ADGRL3: variants seen among roughly 807,000 people sequenced by gnomAD.
ADGRL3 encodes the protein calcium-independent alpha-latrotoxin receptor 3.
ADGRL3 carries 62 observed loss-of-function variants against 153.5 expected under a neutral mutation model. The ratio of observed to expected loss-of-function variants is 0.40; its 90% CI spans 0.33 to 0.50. The LOEUF is 0.50. Ranked by LOEUF, ADGRL3 falls within the 20% of genes least tolerant of loss-of-function variation. The probability of loss-of-function intolerance (pLI) is 0.47; values close to 1 mark genes in which losing one functional copy is unlikely to be tolerated. For missense variants in ADGRL3, 1,641 were observed against 1,859.4 expected (o/e 0.88, Z 2.16); for synonymous variants, 710 against 672.5 (o/e 1.06, Z -0.86).
At position 61,865,890 on chromosome 4, in the gene ADGRL3, C is replaced by T. The variant is rs141001723; in HGVS notation, c.1481-26766C>T. The stretch of plus-strand genomic sequence containing the variant: ...TAGGAAGATGGATAAAGATGAATCT[C>T]TCACTTAGGCAGATTTTTGAAAGCT... On this transcript the variant is annotated intron_variant, in intron 9 of 26. Coordinates refer to ENST00000683033, the MANE Select transcript of ADGRL3 (RefSeq NM_001387552.1). Among the ~76,000 whole-genome samples the T allele has an allele frequency of 3.0e-3, 454 of 152,314 alleles. 1 individual carries two copies. The highest frequency in any genetic ancestry group is 0.01 in the African/African-American group (436 of 41,576).
intron 7 of ADGRL3, 88 bp from the exon 8 acceptor site, chr4:61,732,666 G>T: frequency 1.6e-6 from 1 of 637,018 alleles, no homozygotes; most frequent in East Asian, 3.0e-5. Flanking sequence ...TCTTGTTAGA[G>T]TTGCATTCCA....
At chr4:61,860,015 T>G (rs2098324433) in intron 9 of ADGRL3, among the ~76,000 whole-genome samples, 1 of 152,194 alleles carries the variant, frequency 6.6e-6, no homozygotes, top group Non-Finnish European at 1.5e-5. Context: ...ATAAAAATCC[T>G]TATACTCACC....
At chr4:61,655,037 T>C (rs1347584569) in intron 5 of ADGRL3, among the ~76,000 whole-genome samples, 1 of 152,226 alleles carries the variant, frequency 6.6e-6, no homozygotes, top group Non-Finnish European at 1.5e-5. Flanking sequence ...AGTTGTCTTT[T>C]CATTATTATT....
chr4:61,933,348 T>C (rs576413233), intron 13 of ADGRL3, among the ~76,000 whole-genome samples: 1 of 152,268 alleles, frequency 6.6e-6, no homozygotes, highest in Non-Finnish European at 1.5e-5. Context: ...ATTGCCCTTA[T>C]AGAGAACTTC....
At chr4:61,760,353 A>C (rs891615883) in intron 8 of ADGRL3, among the ~76,000 whole-genome samples, 2 of 152,044 alleles carry the variant, frequency 1.3e-5, no homozygotes, top group African/African-American at 4.8e-5. Context: ...AAGCCTCGGC[A>C]ATGGCGGGCG....
chr4:61,597,394 T>C (rs574055659), intron 5 of ADGRL3, among the ~76,000 whole-genome samples: 69 of 152,260 alleles, frequency 4.5e-4, no homozygotes, highest in African/African-American at 1.4e-3. Flanking sequence ...TTAAGCTTAT[T>C]GATGTTGTTG....
At chr4:61,909,440 G>T (rs2098711686) in intron 11 of ADGRL3, 120 bp from the exon 12 acceptor site, 2 of 673,124 alleles carry the variant, frequency 3.0e-6, no homozygotes, top group South Asian at 4.5e-5. Context: ...TGAAGATGAA[G>T]TTTAACAACT....
rs142378390 is a variant in ADGRL3 at position 61,430,281 on chromosome 4, T to G, written c.-174+47092T>G. Among the ~76,000 whole-genome samples, 3 of 152,260 alleles carry G rather than the reference T, an allele frequency of 2.0e-5. No homozygotes were observed. The East Asian group carries it at 5.8e-4, about 29-fold the overall frequency. On this transcript the variant is annotated intron_variant, in intron 2 of 26. Transcript: ENST00000683033. ...AAATTTATGAGCATGAGTGCAATAGTCTAGCTGATGAGATGGCTTTGCAGG... is the reference window on the plus strand; with the variant it reads ...AAATTTATGAGCATGAGTGCAATAGGCTAGCTGATGAGATGGCTTTGCAGG...
intron 2 of ADGRL3, among the ~76,000 whole-genome samples, chr4:61,440,766 T>C (rs2097520476): frequency 6.6e-6 from 1 of 152,212 alleles, no homozygotes; most frequent in African/African-American, 2.4e-5. Flanking sequence ...ATTCTTCTAG[T>C]TCTCTTCCTT....
intron 1 of ADGRL3, among the ~76,000 whole-genome samples, chr4:61,296,124 C>CA (rs1394316132): frequency 5.3e-5 from 8 of 151,872 alleles, no homozygotes; most frequent in African/African-American, 1.5e-4. Context: ...ATGTGTAGTA[C>CA]AAAAAAGGTA....
chr4:61,885,136 C>T (rs1342377158), intron 9 of ADGRL3, among the ~76,000 whole-genome samples: 1 of 151,726 alleles, frequency 6.6e-6, no homozygotes, highest in African/African-American at 2.4e-5. Context: ...AGTAGTCTGG[C>T]GTGGTGGTGC....
chr4:61,622,554 G>A (rs1425341033), intron 5 of ADGRL3, among the ~76,000 whole-genome samples: 1 of 151,736 alleles, frequency 6.6e-6, no homozygotes, highest in African/African-American at 2.4e-5. Flanking sequence ...ATAAGAAGAA[G>A]GAGGAGGAAG....
intron 1 of ADGRL3, among the ~76,000 whole-genome samples, chr4:61,297,174 A>G (rs2094438075): frequency 1.3e-5 from 2 of 152,172 alleles, no homozygotes; most frequent in Admixed American, 6.5e-5. Context: ...TGCATGGGTA[A>G]CAAGTTTATT....
intron 4 of ADGRL3, among the ~76,000 whole-genome samples, chr4:61,560,774 T>C (rs1282878797): frequency 1.3e-5 from 2 of 152,132 alleles, no homozygotes; most frequent in African/African-American, 4.8e-5. Flanking sequence ...ACTTAAGGCC[T>C]GCTCTATATA....
At chr4:61,744,224 A>T (rs6848543) in intron 8 of ADGRL3, among the ~76,000 whole-genome samples, 88,173 of 152,042 alleles carry the variant, frequency 0.58, 28,010 homozygotes, top group African/African-American at 0.83. Flanking sequence ...TCGAACTGGG[A>T]GGAGCCCAAC....
chr4:61,987,258 C>T (rs1476352336), intron 19 of ADGRL3, among the ~76,000 whole-genome samples: 2 of 151,886 alleles, frequency 1.3e-5, no homozygotes, highest in Middle Eastern at 3.4e-3. Context: ...CCCTGCCACC[C>T]GGGTTCAAGC....
intron 21 of ADGRL3, among the ~76,000 whole-genome samples, chr4:62,020,169 A>G (rs188850311): frequency 7.2e-5 from 11 of 152,214 alleles, no homozygotes; most frequent in African/African-American, 9.6e-5. Context: ...GAGAGGTGAA[A>G]ATCCCATACA....
chr4:61,798,098 C>T (rs865976601), intron 8 of ADGRL3, among the ~76,000 whole-genome samples: 1 of 152,084 alleles, frequency 6.6e-6, no homozygotes, highest in African/African-American at 2.4e-5. Flanking sequence ...CACCTTTGCA[C>T]CTTATGGGCA....
intron 6 of ADGRL3, among the ~76,000 whole-genome samples, chr4:61,682,387 G>A (rs1271757749): frequency 6.6e-6 from 1 of 151,498 alleles, no homozygotes; most frequent in Non-Finnish European, 1.5e-5. Flanking sequence ...CTCCTTCACA[G>A]AATCTTTTAT....
Sources: gnomAD v4.1 joint callset for allele counts (sites outside exome capture counted in the v4.1 genomes callset) on GRCh38, gnomAD v4.1.1 for gene constraint, MANE v1.5 for transcripts, NCBI Gene and HGNC (gene_info 2026-07-23, HGNC 2026-07-21) for gene names.